GPHN: variants seen among roughly 807,000 people sequenced by gnomAD.
GPHN encodes gephyrin.
GPHN carries 17 observed loss-of-function variants against 95.5 expected under a neutral mutation model. That is an observed-to-expected ratio of 0.18 (90% CI 0.12 to 0.27). The LOEUF is 0.27. Among genes scored for constraint, GPHN ranks in the 10% least tolerant of loss-of-function variants. The probability of loss-of-function intolerance (pLI) is 1.00; values close to 1 mark genes in which losing one functional copy is unlikely to be tolerated. For synonymous variants in GPHN, 320 were observed against 322.5 expected (o/e 0.99, Z 0.08); for missense variants, 660 against 978.1 (o/e 0.67, Z 4.34).
At chr14:67,190,874 A>G in the GPHN span, among the ~76,000 whole-genome samples, 5 of 152,228 alleles carry the variant, frequency 3.3e-5, no homozygotes. Flanking sequence ...GGGAATAATT[A>G]ACCTCAAAGC....
chr14:67,245,567 T>G, the GPHN span, among the ~76,000 whole-genome samples: 1 of 152,186 alleles, frequency 6.6e-6, no homozygotes, highest in African/African-American at 2.4e-5. Flanking sequence ...CCCAGGCTGG[T>G]CTCAGAACTC....
intron 1 of GPHN, among the ~76,000 whole-genome samples, chr14:66,673,609 T>G (rs1025744496): frequency 6.6e-6 from 1 of 152,236 alleles, no homozygotes. Flanking sequence ...TTGCTATTAT[T>G]ATTTTGAACA....
the GPHN span, among the ~76,000 whole-genome samples, chr14:67,217,167 C>CT: frequency 0.17 from 25,570 of 148,896 alleles, 3,660 homozygotes; most frequent in East Asian, 0.44. Context: ...CTTTCTTCAT[C>CT]TTTTTTTTTT....
At chr14:67,082,734 A>G (rs2153663966) in intron 11 of GPHN, among the ~76,000 whole-genome samples, 1 of 152,310 alleles carries the variant, frequency 6.6e-6, no homozygotes, top group East Asian at 1.9e-4. Context: ...AACATTAACA[A>G]TATGAACACA....
At chr14:66,527,296 T>A (rs1213990441) in intron 1 of GPHN, among the ~76,000 whole-genome samples, 1 of 152,134 alleles carries the variant, frequency 6.6e-6, no homozygotes, top group Non-Finnish European at 1.5e-5. Context: ...TAGTTTGTAT[T>A]TCTGTGGGAT....
intron 4 of GPHN, among the ~76,000 whole-genome samples, chr14:66,837,614 AAAAT>A (rs202145300): frequency 0.088 from 12,714 of 144,412 alleles, 578 homozygotes; most frequent in African/African-American, 0.1. Context: ...TAAATAAATA[AAAAT>A]AAATAAATAA....
chr14:67,579,352 G>A, the GPHN span: 42 of 1,423,194 alleles, frequency 3.0e-5, no homozygotes, highest in East Asian at 1.8e-4. Flanking sequence ...GTCTTCTCAC[G>A]TCACCATCCA....
At chr14:66,627,123 A>G (rs1290434502) in intron 1 of GPHN, among the ~76,000 whole-genome samples, 1 of 152,056 alleles carries the variant, frequency 6.6e-6, no homozygotes, top group Non-Finnish European at 1.5e-5. Context: ...ATGAATACCC[A>G]TATAATTACT....
chr14:67,382,847 AAAG>A, the GPHN span, among the ~76,000 whole-genome samples: 6 of 152,100 alleles, frequency 3.9e-5, no homozygotes, highest in Non-Finnish European at 5.9e-5. Context: ...GGAGAAAAAA[AAAG>A]TTGTCTCCTG....
chr14:67,054,087 A>G (rs923718603), intron 10 of GPHN, among the ~76,000 whole-genome samples: 5 of 152,200 alleles, frequency 3.3e-5, no homozygotes, highest in Admixed American at 3.3e-4. Flanking sequence ...CTCCTATTCA[A>G]CATAGAATTG....
the GPHN span, chr14:67,729,859 TATC>T: frequency 1.8e-5 from 8 of 455,162 alleles, no homozygotes; most frequent in Non-Finnish European, 3.1e-5. Flanking sequence ...TGCTGAATCT[TATC>T]ATGAACTCAA....
chr14:67,519,027 C>T, the GPHN span, among the ~76,000 whole-genome samples: 1 of 152,110 alleles, frequency 6.6e-6, no homozygotes, highest in Non-Finnish European at 1.5e-5. Context: ...ATCAGCTTTA[C>T]AGGAAAACAA....
chr14:67,332,978 A>T, the GPHN span: 1 of 1,588,400 alleles, frequency 6.3e-7, no homozygotes, highest in South Asian at 1.1e-5. Flanking sequence ...ATTCTGTGGC[A>T]TGTTGGACTT....
At chr14:66,747,777 G>C (rs2058210467) in intron 2 of GPHN, among the ~76,000 whole-genome samples, 1 of 152,056 alleles carries the variant, frequency 6.6e-6, no homozygotes, top group Non-Finnish European at 1.5e-5. Context: ...TGCCTTAAAT[G>C]ATTACATAAA....
chr14:66,615,294 T>G (rs1224620938), intron 1 of GPHN, among the ~76,000 whole-genome samples: 1 of 152,158 alleles, frequency 6.6e-6, no homozygotes, highest in African/African-American at 2.4e-5. Flanking sequence ...CATACTGCCT[T>G]CCACAATGGT....
chr14:67,349,148 A>G, the GPHN span: 4 of 1,576,356 alleles, frequency 2.5e-6, no homozygotes, highest in South Asian at 4.5e-5. Context: ...CTCTTCAGAA[A>G]TAAACCTACA....
At chr14:67,646,073 C>T in the GPHN span, among the ~76,000 whole-genome samples, 29 of 152,204 alleles carry the variant, frequency 1.9e-4, no homozygotes, top group Non-Finnish European at 3.1e-4. Flanking sequence ...TAGAGGCTCC[C>T]AGGCCATACT....
chr14:67,585,260 T>G, the GPHN span: 7,614 of 284,888 alleles, frequency 0.027, 293 homozygotes, highest in East Asian at 0.12. Context: ...GCCTCTATTC[T>G]GTAGCACAGA....
chr14:67,687,281 C>T, the GPHN span, among the ~76,000 whole-genome samples: 1 of 152,166 alleles, frequency 6.6e-6, no homozygotes, highest in Non-Finnish European at 1.5e-5. Flanking sequence ...TTAGAATAAA[C>T]ACTAAAATCC....
Sources: allele counts gnomAD v4.1 joint callset (sites outside exome capture counted in the v4.1 genomes callset), GRCh38; gene constraint gnomAD v4.1.1; transcripts MANE v1.5; gene names NCBI Gene and HGNC (gene_info 2026-07-23, HGNC 2026-07-21).